CSNK1E: variants seen among roughly 807,000 people sequenced by gnomAD.
CSNK1E encodes the protein casein kinase I isoform epsilon.
Under a neutral mutation model 46.1 loss-of-function variants are expected in CSNK1E, and 17 were observed. The observed-to-expected ratio is 0.37, with a 90% CI of 0.25 to 0.55. The LOEUF is 0.55. CSNK1E is among the 20% of genes least tolerant of loss of function. The probability of loss-of-function intolerance (pLI) is 0.82; values close to 1 mark genes in which losing one functional copy is unlikely to be tolerated. For missense variants in CSNK1E, 386 were observed against 595.4 expected (o/e 0.65, Z 3.66); for synonymous variants, 241 against 242.6 (o/e 0.99, Z 0.06).
chr22:38,311,853 G>T (rs767084740), intron 2 of CSNK1E, among the ~76,000 whole-genome samples: 37 of 149,358 alleles, frequency 2.5e-4, no homozygotes, highest in Non-Finnish European at 4.4e-4. Flanking sequence ...CGCCCAGGCT[G>T]GAGTGCAATG....
intron 7 of CSNK1E, among the ~76,000 whole-genome samples, chr22:38,296,031 G>C (rs545928758): frequency 6.6e-6 from 1 of 152,352 alleles, no homozygotes; most frequent in Non-Finnish European, 1.5e-5. Context: ...GGGATACAGA[G>C]GCTGAGTGAC....
At chr22:38,305,300 G>A (rs1252885952) in intron 2 of CSNK1E, among the ~76,000 whole-genome samples, 3 of 151,956 alleles carry the variant, frequency 2.0e-5, no homozygotes, top group African/African-American at 2.4e-5. Context: ...TATTCTATAC[G>A]TATTCTTTGC....
chr22:38,317,830 C>T (rs974057183), upstream of CSNK1E, among the ~76,000 whole-genome samples: 4 of 152,122 alleles, frequency 2.6e-5, no homozygotes, highest in South Asian at 2.1e-4. Context: ...CGGCTATTCA[C>T]GACACTGCAA....
chr22:38,296,585 T>A, intron 7 of CSNK1E: 1 of 1,612,830 alleles, frequency 6.2e-7, no homozygotes, highest in South Asian at 1.1e-5. Flanking sequence ...AGGATAAGGC[T>A]GTGGGTGCCT....
At position 38,300,781 on chromosome 22, in the gene CSNK1E, T is replaced by C; in HGVS notation, c.508A>G (p.Asn170Asp). The change falls in exon 5 of 11, where the codon AAC (asparagine) becomes GAC (aspartate). Residue 170 changes from asparagine to aspartate, a missense_variant. Transcript: ENST00000396832. This position sits in a 1 kb window ranked among gnomAD's most constrained non-coding sequence, Gnocchi z 4.4. ...RTHQHIPYRE[N>D]KNLTGTARYA... ...CGGGCCGTGCCGGTCAGGTTCTTGT[T>C]TTCCCGGTAGGGAATGTGCTGGTGG... 6.2e-7 allele frequency: 1 copy of C among 1,614,220 alleles called. No homozygotes were observed. The highest frequency in any genetic ancestry group is 8.5e-7 in the Non-Finnish European group (1 of 1,180,024).
In CSNK1E at chr22:38,293,112, G is replaced by T. The variant is rs544426886; in HGVS notation, c.*32+143C>A. 16 of 713,264 alleles carry T rather than the reference G, an allele frequency of 2.2e-5. No individual in the cohort carries two copies. In the East Asian group the frequency reaches 2.5e-4, roughly 11 times the overall value. 44.2% of individuals were successfully genotyped at this position (713,264 alleles called of 1,614,324 possible). On this transcript the variant is annotated intron_variant, in intron 10 of 10. Transcript: ENST00000396832. ...CCTCCGAGGTTTTAAACTACTTGAG[G>T]CCCCTTAGAGTTCTGGGGCGCCTGG...
At chr22:38,312,557 G>A (rs1039756105) in intron 2 of CSNK1E, among the ~76,000 whole-genome samples, 8 of 152,108 alleles carry the variant, frequency 5.3e-5, no homozygotes, top group African/African-American at 1.2e-4. Context: ...GCTTGGGGTC[G>A]CAGAGAAAAA....
chr22:38,293,795 G>A, intron 9 of CSNK1E: 1 of 446,850 alleles, frequency 2.2e-6, no homozygotes, highest in Non-Finnish European at 4.0e-6. Context: ...CCTGATGTCA[G>A]GGAGCAGCAA....
chr22:38,296,797 C>T lies in CSNK1E; in HGVS notation c.885+1989G>A, dbSNP rs1333252205. The T allele has an allele frequency of 3.6e-6, 5 of 1,392,938 alleles. No homozygotes were observed. In the African/African-American group the frequency reaches 7.2e-5, roughly 20 times the overall value. 86.3% of individuals were successfully genotyped at this position (1,392,938 alleles called of 1,614,324 possible). On this transcript the variant is annotated intron_variant, in intron 7 of 10. Coordinates refer to ENST00000396832, the MANE Select transcript of CSNK1E (RefSeq NM_152221.3). ...TTCTGGATGAAGGAAATGGTCCCATCTGCCTTGCCGGATGTGGTGGCCACT... is the reference window on the plus strand; with the variant it reads ...TTCTGGATGAAGGAAATGGTCCCATTTGCCTTGCCGGATGTGGTGGCCACT...
intron 2 of CSNK1E, among the ~76,000 whole-genome samples, chr22:38,308,686 G>A (rs938807729): frequency 5.3e-5 from 8 of 152,026 alleles, no homozygotes; most frequent in Admixed American, 1.3e-4. Flanking sequence ...GAGATGAGCC[G>A]GTGTCCACCC....
Position 38,296,138 on chromosome 22 carries a change from C to T in CSNK1E, c.886-1604G>A, listed in dbSNP as rs187104166. On this transcript the variant is annotated intron_variant, in intron 7 of 10. Coordinates refer to ENST00000396832, the MANE Select transcript of CSNK1E (RefSeq NM_152221.3). The stretch of plus-strand genomic sequence containing the variant: ...AGCAGGCTCAGGCCATTGCCAGCCC[C>T]GAGGCAAGAAGTGGGCGACTCTCCA... The T allele has an allele frequency of 3.8e-5, 38 of 990,530 alleles. 1 individual carries two copies. In the East Asian group the frequency reaches 1.5e-3, roughly 38 times the overall value. The allele number at this position is 990,530 out of a possible 1,614,324, so 61.4% of individuals were successfully genotyped here. A position where few individuals can be genotyped will look rare whatever the true frequency, so the allele number is the denominator to read the frequency against.
intron 2 of CSNK1E, among the ~76,000 whole-genome samples, chr22:38,304,122 G>C (rs2092687592): frequency 6.6e-6 from 1 of 152,174 alleles, no homozygotes; most frequent in Non-Finnish European, 1.5e-5. Context: ...GGCTAGGCTG[G>C]GCGACAGGGT....
intron 7 of CSNK1E, chr22:38,297,868 G>C (rs2145831922): frequency 9.6e-7 from 1 of 1,040,662 alleles, no homozygotes; most frequent in East Asian, 1.1e-4. Context: ...GATGGGCTCA[G>C]GCACACCTGG....
At chr22:38,297,304 C>T (rs2092646129) in intron 7 of CSNK1E, 1 of 604,410 alleles carries the variant, frequency 1.7e-6, no homozygotes, top group Non-Finnish European at 3.0e-6. Context: ...GTGCTCAAGG[C>T]CATGGGCCCC....
intron 2 of CSNK1E, among the ~76,000 whole-genome samples, chr22:38,307,643 A>G (rs1390121486): frequency 6.6e-6 from 1 of 152,192 alleles, no homozygotes; most frequent in Non-Finnish European, 1.5e-5. Context: ...GGATTCTGGT[A>G]TCTGAGGGGG....
intron 9 of CSNK1E, 144 bp from the exon 10 acceptor site, chr22:38,293,463 C>G: frequency 1.6e-6 from 1 of 614,618 alleles, no homozygotes; most frequent in Middle Eastern, 2.6e-4. Flanking sequence ...CTCCAGGCAG[C>G]CCCTCAAGCT....
chr22:38,294,078 G>A lies in CSNK1E; in HGVS notation c.1218+31C>T. 1.2e-6 allele frequency: 2 copies of A among 1,602,092 alleles called. No homozygotes were observed. Among genetic ancestry groups the A allele is most frequent in the South Asian group, 1.1e-5 (1 of 90,328 alleles). On this transcript the variant is annotated intron_variant, in intron 9 of 10. Coordinates refer to ENST00000396832, the MANE Select transcript of CSNK1E (RefSeq NM_152221.3). This position sits in a 1 kb window ranked among gnomAD's most constrained non-coding sequence, Gnocchi z 5.5. ...GGGGGGTCTCTAACTCAGTTCTGAG[G>A]CCCAGAGGGACTGGCAGGGGGGCAG...
rs548571823 is a variant in CSNK1E, at chr22:38,291,954, G to C, written c.*33-16C>G. The C allele has an allele frequency of 7.4e-6, 1 of 135,182 alleles. No individual in the cohort carries two copies. Among genetic ancestry groups the C allele is most frequent in the African/African-American group, 2.8e-5 (1 of 35,952 alleles). 8.4% of individuals were successfully genotyped at this position (135,182 alleles called of 1,614,324 possible). On this transcript the variant is annotated splice_polypyrimidine_tract_variant and intron_variant, in intron 10 of 10. Transcript: ENST00000396832. Reference sequence around the variant, plus strand: ...AGTGAAGACACTAGAAGGGAGAAGGGAAAAGACAGGTGAGGTACACAGCTG... The same window carrying C: ...AGTGAAGACACTAGAAGGGAGAAGGCAAAAGACAGGTGAGGTACACAGCTG...
chr22:38,296,060 C>T (rs2092638944), intron 7 of CSNK1E: 1 of 572,538 alleles, frequency 1.7e-6, no homozygotes, highest in Non-Finnish European at 2.2e-6. Flanking sequence ...AGGTGTGGAG[C>T]CCTGCAGCCA....
Sources: gnomAD v4.1 joint callset for allele counts (sites outside exome capture counted in the v4.1 genomes callset) on GRCh38, gnomAD v4.1.1 for gene constraint, Gnocchi (gnomAD v3.1) non-coding constraint, MANE v1.5 for transcripts, NCBI Gene and HGNC (gene_info 2026-07-23, HGNC 2026-07-21) for gene names.